BCL2L1: variants seen among roughly 807,000 people sequenced by gnomAD.
BCL2L1 encodes the protein bcl-2-like protein 1.
In BCL2L1, 1 loss-of-function variant was observed where a neutral mutation model predicts 18.7. That is an observed-to-expected ratio of 0.05 (90% confidence interval 0.02 to 0.25). The LOEUF is 0.25. Ranked by LOEUF, BCL2L1 falls within the 10% of genes least tolerant of loss-of-function variation. The pLI, the probability that BCL2L1 is intolerant of heterozygous loss-of-function variation, is 1.00. For synonymous variants in BCL2L1, 103 were observed against 122.7 expected (o/e 0.84, Z 1.06); for missense variants, 207 against 304.9 (o/e 0.68, Z 2.39).
At chr20:31,672,135 G>C (rs934714328) in intron 2 of BCL2L1, among the ~76,000 whole-genome samples, 1 of 151,690 alleles carries the variant, frequency 6.6e-6, no homozygotes, top group Non-Finnish European at 1.5e-5. Flanking sequence ...TAATTTTAGA[G>C]ATGATAGGGT....
At chr20:31,681,053 T>C (rs1249423159) in intron 2 of BCL2L1, among the ~76,000 whole-genome samples, 1 of 152,194 alleles carries the variant, frequency 6.6e-6, no homozygotes, top group Non-Finnish European at 1.5e-5. Flanking sequence ...AAAATGCCAG[T>C]GTGGCTGAAG....
intron 2 of BCL2L1, among the ~76,000 whole-genome samples, chr20:31,693,529 CGTTT>C (rs914658637): frequency 4.6e-5 from 7 of 151,766 alleles, no homozygotes; most frequent in African/African-American, 1.7e-4. Flanking sequence ...AAGGTACTCA[CGTTT>C]ATTTTTGTTT....
rs145420048 is a variant in BCL2L1, at chr20:31,701,948, A to G, written c.564+19707T>C. Among the ~76,000 whole-genome samples the G allele has an allele frequency of 3.5e-3, 531 of 152,324 alleles. 2 individuals carry two copies. Among genetic ancestry groups the G allele is most frequent in the African/African-American group, 0.012 (503 of 41,570 alleles). On this transcript the variant is annotated intron_variant, in intron 2 of 2. Transcript: ENST00000307677. ...TGAACAAACCAAACGCCCTATAATCATGGGGCTTATATTCTAATAGAAGAG... is the reference window on the plus strand; with the variant it reads ...TGAACAAACCAAACGCCCTATAATCGTGGGGCTTATATTCTAATAGAAGAG...
At chr20:31,666,994 A>G (rs1377934131) in intron 2 of BCL2L1, among the ~76,000 whole-genome samples, 1 of 152,134 alleles carries the variant, frequency 6.6e-6, no homozygotes, top group Non-Finnish European at 1.5e-5. Flanking sequence ...GTAGTACCCA[A>G]TTTGTCCTTT....
chr20:31,675,768 C>T lies in BCL2L1; in HGVS notation c.565-9682G>A, dbSNP rs559203788. On this transcript the variant is annotated intron_variant, in intron 2 of 2. Coordinates refer to ENST00000307677, the MANE Select transcript of BCL2L1 (RefSeq NM_138578.3). ...CCTTTTGGCTTCTGAGCCTCAGTTT[C>T]TCCTGCCTTGACCTCCCTAGCAGTA... Among the ~76,000 whole-genome samples the T allele has an allele frequency of 4.5e-4, 68 of 152,334 alleles. 1 individual carries two copies. Among genetic ancestry groups the T allele is most frequent in the Admixed American group, 5.2e-4 (8 of 15,306 alleles).
At chr20:31,684,960 G>A (rs868487093) in intron 2 of BCL2L1, among the ~76,000 whole-genome samples, 2 of 152,360 alleles carry the variant, frequency 1.3e-5, no homozygotes, top group Middle Eastern at 3.4e-3. Flanking sequence ...CAAGTGATAA[G>A]CTTGCTGGGA....
chr20:31,709,631 A>G (rs937359582), intron 2 of BCL2L1, among the ~76,000 whole-genome samples: 2 of 151,912 alleles, frequency 1.3e-5, no homozygotes, highest in Non-Finnish European at 2.9e-5. Context: ...CAGGAGATCG[A>G]GACCATCCTG....
At chr20:31,676,555 C>T (rs976508394) in intron 2 of BCL2L1, among the ~76,000 whole-genome samples, 6 of 152,308 alleles carry the variant, frequency 3.9e-5, no homozygotes, top group East Asian at 3.9e-4. Context: ...CCTATTCTTT[C>T]GTAAGTAGAT....
intron 2 of BCL2L1, among the ~76,000 whole-genome samples, chr20:31,691,468 C>T (rs547763109): frequency 1.3e-5 from 2 of 150,616 alleles, no homozygotes; most frequent in African/African-American, 2.4e-5. Context: ...GAGCCAAGAC[C>T]GTGCCACTGT....
intron 2 of BCL2L1, among the ~76,000 whole-genome samples, chr20:31,669,687 T>G (rs2060637806): frequency 6.6e-6 from 1 of 151,712 alleles, no homozygotes; most frequent in Non-Finnish European, 1.5e-5. Flanking sequence ...TGATCTGCCC[T>G]CTTCAGCCCC....
At chr20:31,722,431 T>C (rs1015320264) in intron 1 of BCL2L1, 83 bp from the exon 2 acceptor site, 17 of 414,070 alleles carry the variant, frequency 4.1e-5, no homozygotes, top group African/African-American at 3.1e-4. Context: ...ACTGGTTTCT[T>C]TGTGGGTCTT....
intron 1 of BCL2L1, 90 bp from the exon 2 acceptor site, chr20:31,722,438 T>C (rs1279143074): frequency 2.5e-6 from 1 of 404,492 alleles, no homozygotes; most frequent in African/African-American, 2.1e-5. Flanking sequence ...TCTTTGTGGG[T>C]CTTACGAAGG....
intron 2 of BCL2L1, among the ~76,000 whole-genome samples, chr20:31,692,397 G>C (rs2061089320): frequency 6.6e-6 from 1 of 152,254 alleles, no homozygotes; most frequent in African/African-American, 2.4e-5. Flanking sequence ...ATTATGCTAT[G>C]CAAGTAACAT....
At chr20:31,683,522 A>G (rs991240798) in intron 2 of BCL2L1, among the ~76,000 whole-genome samples, 7 of 152,120 alleles carry the variant, frequency 4.6e-5, no homozygotes, top group African/African-American at 1.4e-4. Context: ...TAATCCCAGC[A>G]CTCTGGGAGA....
chr20:31,666,110 G>A (rs1208699387), intron 2 of BCL2L1, 24 bp from the exon 3 acceptor site: 3 of 1,613,480 alleles, frequency 1.9e-6, no homozygotes, highest in South Asian at 1.1e-5. Context: ...GAAGGAAGGT[G>A]CAGTTTTAGT....
At chr20:31,666,946 G>A (rs1252347774) in intron 2 of BCL2L1, among the ~76,000 whole-genome samples, 1 of 152,164 alleles carries the variant, frequency 6.6e-6, no homozygotes, top group Non-Finnish European at 1.5e-5. Context: ...TGTGGGGCAG[G>A]GAGAAGGACG....
intron 2 of BCL2L1, among the ~76,000 whole-genome samples, chr20:31,679,189 T>G (rs1376242104): frequency 6.6e-6 from 1 of 152,184 alleles, no homozygotes; most frequent in African/African-American, 2.4e-5. Context: ...AGAAGAGGGC[T>G]AGGGTACTTT....
At chr20:31,666,882 A>G (rs2060596610) in intron 2 of BCL2L1, among the ~76,000 whole-genome samples, 1 of 152,186 alleles carries the variant, frequency 6.6e-6, no homozygotes, top group Non-Finnish European at 1.5e-5. Context: ...GAAGCACATG[A>G]CAGGGGGAAG....
At chr20:31,667,329 C>T (rs2060602515) in intron 2 of BCL2L1, among the ~76,000 whole-genome samples, 1 of 151,768 alleles carries the variant, frequency 6.6e-6, no homozygotes, top group Admixed American at 6.6e-5. Context: ...GGTGTGGTGG[C>T]ACGCACCTGT....
Sources: allele counts gnomAD v4.1 joint callset (sites outside exome capture counted in the v4.1 genomes callset), GRCh38; gene constraint gnomAD v4.1.1; transcripts MANE v1.5; gene names NCBI Gene and HGNC (gene_info 2026-07-23, HGNC 2026-07-21).